Variants in LRRN2 observed in about 807,000 individuals in gnomAD.
The protein encoded by LRRN2 is leucine-rich repeat neuronal protein 2.
Under a neutral mutation model 35.7 loss-of-function variants are expected in LRRN2, and 10 were observed. That is an observed-to-expected ratio of 0.28 (90% CI 0.17 to 0.47). LRRN2 has a LOEUF of 0.47. Among genes scored for constraint, LRRN2 ranks in the 20% least tolerant of loss-of-function variants. The pLI is 0.99. For missense variants in LRRN2, 731 were observed against 940.3 expected (o/e 0.78, Z 2.91); for synonymous variants, 391 against 409.6 (o/e 0.95, Z 0.55).
chr1:204,651,645 CATATGGCAGAAG>C (rs1224319991), intron 1 of LRRN2, among the ~76,000 whole-genome samples: 1 of 152,156 alleles, frequency 6.6e-6, no homozygotes, highest in African/African-American at 2.4e-5. Flanking sequence ...GGCTTGTCAC[CATATGGCAGAAG>C]GAATGGCCTG....
chr1:204,676,341 C>T (rs1413794658), intron 1 of LRRN2, among the ~76,000 whole-genome samples: 1 of 149,766 alleles, frequency 6.7e-6, no homozygotes, highest in Non-Finnish European at 1.5e-5. Context: ...AGTAGCTAAG[C>T]TCAGAAAACA....
intron 1 of LRRN2, among the ~76,000 whole-genome samples, chr1:204,668,771 G>A (rs1198777222): frequency 2.0e-5 from 3 of 152,158 alleles, no homozygotes; most frequent in African/African-American, 7.2e-5. Flanking sequence ...TAAGGACAGA[G>A]AAAAAAATCG....
At chr1:204,656,355 T>G (rs1668355841) in intron 1 of LRRN2, among the ~76,000 whole-genome samples, 1 of 152,208 alleles carries the variant, frequency 6.6e-6, no homozygotes, top group Admixed American at 6.5e-5. Flanking sequence ...TGGAGAAAAT[T>G]TAAACAATCC....
chr1:204,648,476 C>T (rs951124253), intron 1 of LRRN2, among the ~76,000 whole-genome samples: 2 of 152,258 alleles, frequency 1.3e-5, no homozygotes, highest in African/African-American at 2.4e-5. Flanking sequence ...ACCTCCAGTT[C>T]GTATGTCCAC....
At chr1:204,668,927 G>A (rs997246108) in intron 1 of LRRN2, among the ~76,000 whole-genome samples, 1 of 152,156 alleles carries the variant, frequency 6.6e-6, no homozygotes, top group Admixed American at 6.5e-5. Context: ...GGGCTCAAGC[G>A]AACCTCCTGC....
intron 1 of LRRN2, among the ~76,000 whole-genome samples, chr1:204,658,345 A>G (rs1668403476): frequency 6.6e-6 from 1 of 152,146 alleles, no homozygotes; most frequent in Non-Finnish European, 1.5e-5. Flanking sequence ...TCTCCCAAAT[A>G]TCATCACTTG....
rs1666397350 is a variant in LRRN2, at chr1:204,617,224, T to G, written c.*627A>C. 6.6e-6 allele frequency: 1 copy of G among 152,600 alleles called. No individual in the cohort carries two copies. The allele number at this position is 152,600 out of a possible 1,614,324, so 9.5% of individuals were successfully genotyped here. Reference sequence around the variant, plus strand: ...TTATTGTTATTATTTATTTTTATTTTTTACAAAACAGGAGAAAAGAGTGAA... The same window carrying G: ...TTATTGTTATTATTTATTTTTATTTGTTACAAAACAGGAGAAAAGAGTGAA... On this transcript the variant is annotated 3_prime_UTR_variant, in exon 2 of 2. Transcript: ENST00000367177.
chr1:204,638,229 T>G (rs1667885222), intron 1 of LRRN2, among the ~76,000 whole-genome samples: 1 of 151,856 alleles, frequency 6.6e-6, no homozygotes, highest in African/African-American at 2.4e-5. Context: ...CATGGTGATC[T>G]GGGGCCAGGC....
chr1:204,629,965 G>C (rs919965843), intron 1 of LRRN2, among the ~76,000 whole-genome samples: 2 of 152,154 alleles, frequency 1.3e-5, no homozygotes, highest in Non-Finnish European at 2.9e-5. Flanking sequence ...AGGGTGTGTG[G>C]GGGGGTTAAA....
At chr1:204,663,447 G>A (rs1668511332) in intron 1 of LRRN2, among the ~76,000 whole-genome samples, 1 of 152,168 alleles carries the variant, frequency 6.6e-6, no homozygotes, top group Non-Finnish European at 1.5e-5. Context: ...AATGCACCAA[G>A]TCTTCAAATA....
At chr1:204,679,156 G>A (rs1168112960) in intron 1 of LRRN2, among the ~76,000 whole-genome samples, 1 of 152,118 alleles carries the variant, frequency 6.6e-6, no homozygotes. Context: ...ACTTTCTCAG[G>A]CTCGAGGCCT....
intron 1 of LRRN2, among the ~76,000 whole-genome samples, chr1:204,679,135 T>G (rs945279203): frequency 3.3e-5 from 5 of 152,152 alleles, no homozygotes; most frequent in African/African-American, 9.7e-5. Context: ...TGGGCCCAAT[T>G]CTGGGCAGGC....
At chr1:204,622,560 A>C (rs1426658701) in intron 1 of LRRN2, among the ~76,000 whole-genome samples, 1 of 152,150 alleles carries the variant, frequency 6.6e-6, no homozygotes, top group Non-Finnish European at 1.5e-5. Context: ...ACATGCATGC[A>C]TGCCTGCATA....
intron 1 of LRRN2, among the ~76,000 whole-genome samples, chr1:204,623,165 G>A (rs1342131665): frequency 6.6e-6 from 1 of 152,188 alleles, no homozygotes; most frequent in Non-Finnish European, 1.5e-5. Flanking sequence ...GAGGGCTGGA[G>A]GAGGTGGAGA....
intron 1 of LRRN2, among the ~76,000 whole-genome samples, chr1:204,637,643 GAC>G (rs1398569093): frequency 7.4e-6 from 1 of 134,900 alleles, no homozygotes; most frequent in Non-Finnish European, 1.6e-5. Flanking sequence ...TGCAGCACGT[GAC>G]GTGTGTGTGT....
chr1:204,657,341 TACACAC>T (rs34779515), intron 1 of LRRN2, among the ~76,000 whole-genome samples: 2 of 146,952 alleles, frequency 1.4e-5, no homozygotes, highest in African/African-American at 2.5e-5. Context: ...TATGTATATA[TACACAC>T]ACACACACAC....
intron 1 of LRRN2, among the ~76,000 whole-genome samples, chr1:204,674,012 G>A (rs1668765190): frequency 6.6e-6 from 1 of 152,098 alleles, no homozygotes; most frequent in Admixed American, 6.5e-5. Context: ...AAACATGAGT[G>A]GTCTGACCTG....
intron 1 of LRRN2, among the ~76,000 whole-genome samples, chr1:204,682,360 T>C (rs77028032): frequency 3.3e-5 from 5 of 152,314 alleles, no homozygotes; most frequent in Non-Finnish European, 5.9e-5. Flanking sequence ...CAAATCCTTA[T>C]ACATATTAAT....
Position 204,618,264 on chromosome 1 carries a change from G to T in LRRN2, c.1729C>A (p.Arg577=). The T allele has an allele frequency of 6.2e-7, 1 of 1,610,002 alleles. No homozygotes were observed. The highest frequency in any genetic ancestry group is 8.5e-7 in the Non-Finnish European group (1 of 1,177,790). The change falls in exon 2 of 2, where the codon CGG becomes AGG. Residue 577 remains arginine (R), a synonymous_variant. Transcript: ENST00000367177. ...GTAATGTTGTAGCTGTGGGTTCCCC[G>T]AGGCAGGCGGGCCAGAGCTGTGGCC... The part of the protein sequence containing the change: ...QGATALARLP[R]GTHSYNITRL...
Sources: gnomAD v4.1 joint callset for allele counts (sites outside exome capture counted in the v4.1 genomes callset) on GRCh38, gnomAD v4.1.1 for gene constraint, MANE v1.5 for transcripts, NCBI Gene and HGNC (gene_info 2026-07-23, HGNC 2026-07-21) for gene names.